The following CTNNA2 variants were observed in gnomAD, a reference collection of about 807,000 sequenced individuals.
CTNNA2 encodes the protein catenin alpha-2.
A neutral mutation model predicts 101.0 loss-of-function variants in CTNNA2; 42 were observed. That is an observed-to-expected ratio of 0.42 (90% CI 0.32 to 0.54). CTNNA2 has a LOEUF of 0.54. CTNNA2 is among the 20% of genes least tolerant of loss of function. CTNNA2 has a pLI of 0.14. For missense variants in CTNNA2, 871 were observed against 1,223.1 expected, an observed-to-expected ratio of 0.71 and a Z score of 4.29; for synonymous variants, 450 against 456.4, an observed-to-expected ratio of 0.99 and a Z score of 0.18.
intron 7 of CTNNA2, among the ~76,000 whole-genome samples, chr2:79,990,818 T>C (rs6710547): frequency 0.2 from 29,950 of 152,068 alleles, 3,737 homozygotes; most frequent in Admixed American, 0.31. Flanking sequence ...GGATTCCCTC[T>C]TTTTCTGTTG....
intron 7 of CTNNA2, among the ~76,000 whole-genome samples, chr2:80,358,846 A>G (rs562506118): frequency 1.1e-4 from 17 of 152,284 alleles, no homozygotes; most frequent in South Asian, 8.3e-4. Flanking sequence ...CTTTTGAAAT[A>G]TAACAAACGG....
chr2:80,422,038 T>C (rs1680570062), intron 9 of CTNNA2, among the ~76,000 whole-genome samples: 1 of 152,212 alleles, frequency 6.6e-6, no homozygotes, highest in South Asian at 2.1e-4. Context: ...GCCTGCAAAT[T>C]ATGACTGTTG....
intron 2 of CTNNA2, among the ~76,000 whole-genome samples, chr2:79,279,445 A>G (rs1675303065): frequency 6.6e-6 from 1 of 151,966 alleles, no homozygotes; most frequent in African/African-American, 2.4e-5. Context: ...AGTCTGAAAA[A>G]TCCCCAGGTA....
At chr2:79,216,962 G>T (rs1472059945) in intron 2 of CTNNA2, among the ~76,000 whole-genome samples, 3 of 152,152 alleles carry the variant, frequency 2.0e-5, no homozygotes, top group Middle Eastern at 3.2e-3. Context: ...CCAAGGGAAG[G>T]CTGCCTTCCT....
At chr2:79,608,481 T>C (rs1379425261) in intron 1 of CTNNA2, among the ~76,000 whole-genome samples, 3 of 152,062 alleles carry the variant, frequency 2.0e-5, no homozygotes, top group Non-Finnish European at 4.4e-5. Context: ...ATGGAAGTAT[T>C]CTTCATGAAC....
chr2:80,311,178 C>T (rs762501348), intron 7 of CTNNA2, among the ~76,000 whole-genome samples: 6 of 152,002 alleles, frequency 3.9e-5, no homozygotes, highest in Non-Finnish European at 7.4e-5. Flanking sequence ...TATCCTTATA[C>T]CTTTGAATAT....
rs115688187 is a variant in CTNNA2 at position 80,286,733 on chromosome 2, T to G, written c.1057-106478T>G. Among the ~76,000 whole-genome samples, 631 of 152,288 alleles carry G rather than the reference T, an allele frequency of 4.1e-3. 6 individuals carry two copies. The highest frequency in any genetic ancestry group is 0.014 in the African/African-American group (598 of 41,556). On this transcript the variant is annotated intron_variant, in intron 7 of 18. Coordinates refer to ENST00000402739, the MANE Select transcript of CTNNA2 (RefSeq NM_001282597.3). ...CCTACGAAACTTCTCACACATTCCC[T>G]GAATTGAGGAAACCGTTTCCTTTTG...
chr2:80,372,984 G>C (rs1161081163), intron 7 of CTNNA2, among the ~76,000 whole-genome samples: 1 of 152,164 alleles, frequency 6.6e-6, no homozygotes, highest in Non-Finnish European at 1.5e-5. Flanking sequence ...GAATTATCCA[G>C]CTCAGAATGT....
chr2:80,152,076 G>A (rs978301869), intron 7 of CTNNA2, among the ~76,000 whole-genome samples: 2 of 152,180 alleles, frequency 1.3e-5, no homozygotes, highest in Admixed American at 6.5e-5. Flanking sequence ...AGAGGAACAG[G>A]GCAGAGCACT....
intron 7 of CTNNA2, among the ~76,000 whole-genome samples, chr2:79,971,039 C>G (rs1218147617): frequency 6.6e-6 from 1 of 152,112 alleles, no homozygotes; most frequent in African/African-American, 2.4e-5. Context: ...GAAACACTGG[C>G]CCAAGAATTC....
chr2:79,411,770 A>G (rs1473138879), intron 4 of CTNNA2, among the ~76,000 whole-genome samples: 2 of 152,162 alleles, frequency 1.3e-5, no homozygotes, highest in African/African-American at 2.4e-5. Flanking sequence ...AGGAACAACC[A>G]GTTCCAGCTG....
At chr2:79,557,070 A>G (rs1325023170) in intron 1 of CTNNA2, among the ~76,000 whole-genome samples, 2 of 151,972 alleles carry the variant, frequency 1.3e-5, no homozygotes, top group African/African-American at 4.8e-5. Context: ...TTTTTCTCAT[A>G]TCTAACCAAA....
chr2:79,652,360 T>C (rs2104480780), intron 2 of CTNNA2, among the ~76,000 whole-genome samples: 1 of 152,200 alleles, frequency 6.6e-6, no homozygotes, highest in Non-Finnish European at 1.5e-5. Flanking sequence ...AGAGGTCAAA[T>C]ATCCTAGTCA....
intron 3 of CTNNA2, chr2:79,320,055 C>T (rs1461238647): frequency 6.6e-6 from 1 of 151,968 alleles, no homozygotes; most frequent in East Asian, 1.9e-4. Context: ...TATTTTTAGT[C>T]AATGAAGGGA....
chr2:79,791,050 A>G (rs1675230807), intron 3 of CTNNA2, among the ~76,000 whole-genome samples: 1 of 152,204 alleles, frequency 6.6e-6, no homozygotes. Context: ...CTTGTATTCA[A>G]CTTTTGATTC....
intron 7 of CTNNA2, among the ~76,000 whole-genome samples, chr2:80,335,322 T>G (rs1462096881): frequency 6.6e-6 from 1 of 152,140 alleles, no homozygotes; most frequent in East Asian, 1.9e-4. Context: ...CAAATGATCA[T>G]CTCATAATGG....
At chr2:80,210,843 G>C (rs913841392) in intron 7 of CTNNA2, among the ~76,000 whole-genome samples, 43 of 151,996 alleles carry the variant, frequency 2.8e-4, no homozygotes, top group Admixed American at 2.8e-3. Flanking sequence ...CAGTGTAAAA[G>C]TGTTCCTATT....
intron 1 of CTNNA2, among the ~76,000 whole-genome samples, chr2:79,553,169 C>T (rs1392358579): frequency 1.3e-5 from 2 of 152,184 alleles, no homozygotes; most frequent in Non-Finnish European, 2.9e-5. Context: ...TTTCTTCCCC[C>T]TCATACCCTA....
intron 7 of CTNNA2, among the ~76,000 whole-genome samples, chr2:80,387,249 A>G (rs1677105064): frequency 6.6e-6 from 1 of 152,186 alleles, no homozygotes; most frequent in African/African-American, 2.4e-5. Context: ...AGATTGTGCC[A>G]CTGCACTCCA....
Sources: gnomAD v4.1 joint callset for allele counts (sites outside exome capture counted in the v4.1 genomes callset) on GRCh38, gnomAD v4.1.1 for gene constraint, MANE v1.5 for transcripts, NCBI Gene and HGNC (gene_info 2026-07-23, HGNC 2026-07-21) for gene names.